Variants in PRKCB observed in about 807,000 individuals in gnomAD.
The protein encoded by PRKCB is protein kinase C beta type.
In PRKCB, 13 loss-of-function variants were observed where a neutral mutation model predicts 81.5. The ratio of observed to expected loss-of-function variants is 0.16; its 90% confidence interval spans 0.10 to 0.25. The LOEUF (loss-of-function observed/expected upper bound fraction) is 0.25, where lower values mean the gene tolerates loss of function less well. Ranked by LOEUF, PRKCB falls within the 10% of genes least tolerant of loss-of-function variation. The pLI, the probability that PRKCB is intolerant of heterozygous loss-of-function variation, is 1.00. For synonymous variants in PRKCB, 335 were observed against 321.4 expected (o/e 1.04, Z -0.45); for missense variants, 509 against 875.7 (o/e 0.58, Z 5.29).
In PRKCB at chr16:24,002,491, C is replaced by G. The variant is rs113100853; in HGVS notation, c.288+13901C>G. Reference sequence around the variant, plus strand: ...AGTAGCTCGGATTATAGGCACCCACCACCACGCCTAGCTAATTTTTGTATT... The same window carrying G: ...AGTAGCTCGGATTATAGGCACCCACGACCACGCCTAGCTAATTTTTGTATT... On this transcript the variant is annotated intron_variant, in intron 3 of 16. Coordinates refer to ENST00000643927, the MANE Select transcript of PRKCB (RefSeq NM_002738.7). Among the ~76,000 whole-genome samples, 162 of 152,158 alleles carry G rather than the reference C, an allele frequency of 1.1e-3. 1 individual carries two copies. Among genetic ancestry groups the G allele is most frequent in the African/African-American group, 3.7e-3 (154 of 41,506 alleles).
At chr16:24,157,215 C>G (rs1335176265) in intron 10 of PRKCB, among the ~76,000 whole-genome samples, 1 of 152,100 alleles carries the variant, frequency 6.6e-6, no homozygotes, top group African/African-American at 2.4e-5. Context: ...GACTGAGAAC[C>G]AGGAGAGCCT....
Position 24,208,720 on chromosome 16 carries a change from C to G in PRKCB, c.1864-5938C>G, listed in dbSNP as rs1968085841. 2.6e-5 allele frequency among the ~76,000 whole-genome samples: 4 copies of G among 152,100 alleles called. No homozygotes were observed. The South Asian group carries it at 8.3e-4, about 32-fold the overall frequency. ...ATTAGATCCCAGCCACTGAGCTGCC[C>G]ATACTTCAAGGACACAGCAGGCAGG... On this transcript the variant is annotated intron_variant, in intron 16 of 16. Transcript: ENST00000643927.
intron 2 of PRKCB, among the ~76,000 whole-genome samples, chr16:23,866,335 G>A (rs2141094967): frequency 6.6e-6 from 1 of 152,316 alleles, no homozygotes; most frequent in East Asian, 1.9e-4. Flanking sequence ...ACCCAGCATA[G>A]ATGATATAGT....
chr16:24,034,167 A>G (rs1965583852), intron 4 of PRKCB, among the ~76,000 whole-genome samples: 1 of 152,194 alleles, frequency 6.6e-6, no homozygotes, highest in South Asian at 2.1e-4. Context: ...GCCCTAATAT[A>G]GGGACAATGT....
At chr16:24,121,661 A>G (rs1197966775) in intron 8 of PRKCB, among the ~76,000 whole-genome samples, 1 of 152,214 alleles carries the variant, frequency 6.6e-6, no homozygotes, top group Admixed American at 6.5e-5. Context: ...GGCATCAGCC[A>G]CCACATCCAG....
intron 9 of PRKCB, among the ~76,000 whole-genome samples, chr16:24,139,592 T>G (rs183189312): frequency 1.6e-4 from 25 of 152,322 alleles, no homozygotes; most frequent in African/African-American, 5.8e-4. Flanking sequence ...GTTTCACACT[T>G]TCATGGCTTT....
chr16:24,054,342 T>G (rs913195065), intron 5 of PRKCB, among the ~76,000 whole-genome samples: 5 of 152,236 alleles, frequency 3.3e-5, no homozygotes, highest in African/African-American at 1.2e-4. Flanking sequence ...CTCTTAACTT[T>G]GTCTTTTGTA....
chr16:24,113,014 T>C lies in PRKCB; in HGVS notation c.863T>C (p.Val288Ala). 1 of 1,613,490 alleles carries C rather than the reference T, an allele frequency of 6.2e-7. No individual in the cohort carries two copies. The highest frequency in any genetic ancestry group is 8.5e-7 in the Non-Finnish European group (1 of 1,179,630). Residue 288 changes from valine to alanine, a missense_variant, in exon 8 of 17, where the codon GTG becomes GCG. Transcript: ENST00000643927. ...LSQEEGEYFN[V>A]PVPPEGSEAN... ...CAGGAGGAAGGCGAGTACTTCAATG[T>C]GCCTGTGCCACCAGAAGGAAGTGAG...
At chr16:23,912,084 C>T (rs949721195) in intron 2 of PRKCB, among the ~76,000 whole-genome samples, 8 of 151,718 alleles carry the variant, frequency 5.3e-5, no homozygotes, top group Admixed American at 2.0e-4. Context: ...CACCCACCTC[C>T]GCCTCCCAAA....
At chr16:24,125,063 C>T (rs1966840503) in intron 9 of PRKCB, among the ~76,000 whole-genome samples, 1 of 67,372 alleles carries the variant, frequency 1.5e-5, no homozygotes, top group Non-Finnish European at 2.7e-5. Flanking sequence ...ATCTTTTTTA[C>T]CTATAATTAA....
chr16:24,028,128 G>A (rs141847617), intron 3 of PRKCB, among the ~76,000 whole-genome samples: 330 of 151,672 alleles, frequency 2.2e-3, no homozygotes, highest in African/African-American at 7.3e-3. Flanking sequence ...TTGCTCTGTC[G>A]CCCAGGCTGG....
At chr16:24,191,454 A>G (rs1596591114) in intron 16 of PRKCB, 1 of 464,530 alleles carries the variant, frequency 2.2e-6, no homozygotes, top group East Asian at 3.5e-5. Flanking sequence ...TGCCTATTGA[A>G]TTTTTGTTTC....
At chr16:24,182,873 T>TTTTGTGTGTGTGTGTGTGTG (rs1555501177) in intron 13 of PRKCB, among the ~76,000 whole-genome samples, 2 of 133,520 alleles carry the variant, frequency 1.5e-5, no homozygotes, top group East Asian at 4.5e-4. Context: ...ACATTGTTTC[T>TTTTGTGTGTGTGTGTGTGTG]TGTGTGTGTG....
intron 2 of PRKCB, among the ~76,000 whole-genome samples, chr16:23,943,994 G>A (rs1255189195): frequency 6.6e-6 from 1 of 152,188 alleles, no homozygotes; most frequent in Non-Finnish European, 1.5e-5. Context: ...GGACTTTTAA[G>A]CTCATGATTG....
intron 3 of PRKCB, among the ~76,000 whole-genome samples, chr16:24,023,530 G>C (rs887336854): frequency 6.6e-6 from 1 of 152,122 alleles, no homozygotes; most frequent in Non-Finnish European, 1.5e-5. Context: ...CACCACGCCC[G>C]GCTAATTTTT....
Position 24,215,028 on chromosome 16 carries a change from G to T in PRKCB, c.*212G>T. On this transcript the variant is annotated 3_prime_UTR_variant, in exon 17 of 17. Transcript: ENST00000643927. ...CAGATGGCCTATGGAAAATGCAGCT[G>T]CATAATTAACACATTATCAAAGTCC... 1.5e-6 allele frequency: 2 copies of T among 1,343,754 alleles called. No individual in the cohort carries two copies. The highest frequency in any genetic ancestry group is 1.9e-6 in the Non-Finnish European group (2 of 1,047,066). The allele number at this position is 1,343,754 out of a possible 1,614,324, so 83.2% of individuals were successfully genotyped here. A position where few individuals can be genotyped will look rare whatever the true frequency, so the allele number is the denominator to read the frequency against.
At chr16:24,029,733 C>T (rs1480972829) in intron 3 of PRKCB, among the ~76,000 whole-genome samples, 1 of 152,084 alleles carries the variant, frequency 6.6e-6, no homozygotes, top group Non-Finnish European at 1.5e-5. Flanking sequence ...TTTTCTGTCA[C>T]TAGAGTACAA....
rs77873250 is a variant in PRKCB at position 24,040,348 on chromosome 16, G to A, written c.529+4801G>A. On this transcript the variant is annotated intron_variant, in intron 5 of 16. Transcript: ENST00000643927. ...GCCACACACCATAAGACATCTGTGCGTTCTGTTTAGAATGTTTGCCATTGC... is the reference window on the plus strand; with the variant it reads ...GCCACACACCATAAGACATCTGTGCATTCTGTTTAGAATGTTTGCCATTGC... 6.5e-3 allele frequency among the ~76,000 whole-genome samples: 986 copies of A among 152,148 alleles called. 8 individuals carry two copies. Among genetic ancestry groups the A allele is most frequent in the South Asian group, 0.021 (100 of 4,814 alleles).
chr16:23,980,197 C>T (rs972422670), intron 2 of PRKCB, among the ~76,000 whole-genome samples: 8 of 152,266 alleles, frequency 5.3e-5, no homozygotes, highest in African/African-American at 1.7e-4. Context: ...CCCTGTGAGT[C>T]ACTCTTCTTA....
Sources: allele counts gnomAD v4.1 joint callset (sites outside exome capture counted in the v4.1 genomes callset), GRCh38; gene constraint gnomAD v4.1.1; transcripts MANE v1.5; gene names NCBI Gene and HGNC (gene_info 2026-07-23, HGNC 2026-07-21).